Variants in UNC13B observed in about 807,000 individuals in gnomAD.
UNC13B encodes the protein protein unc-13 homolog B.
UNC13B carries 144 observed loss-of-function variants against 211.0 expected under a neutral mutation model. That is an observed-to-expected ratio of 0.68 (90% CI 0.60 to 0.78). UNC13B has a LOEUF of 0.78. UNC13B is among the 30% of genes least tolerant of loss of function. The pLI is 0.00. For synonymous variants in UNC13B, 709 were observed against 725.8 expected, an observed-to-expected ratio of 0.98 and a Z score of 0.37; for missense variants, 1,777 against 2,002.0, an observed-to-expected ratio of 0.89 and a Z score of 2.14.
intron 19 of UNC13B, 92 bp downstream of exon 19, chr9:35,381,307 G>A: frequency 1.7e-6 from 2 of 1,180,576 alleles, no homozygotes; most frequent in Non-Finnish European, 2.4e-6. Flanking sequence ...TGGAATCCGA[G>A]GCCCATTTTA....
intron 6 of UNC13B, among the ~76,000 whole-genome samples, chr9:35,250,505 A>G (rs1446308554): frequency 6.6e-6 from 1 of 152,164 alleles, no homozygotes; most frequent in Non-Finnish European, 1.5e-5. Context: ...ATTCCTTTTT[A>G]TTGCCAAATA....
intron 15 of UNC13B, among the ~76,000 whole-genome samples, chr9:35,377,021 T>C (rs1253683249): frequency 6.6e-6 from 1 of 152,192 alleles, no homozygotes; most frequent in African/African-American, 2.4e-5. Context: ...GCTGTAGCAC[T>C]GAAAGCTTTA....
At position 35,396,425 on chromosome 9, in the gene UNC13B, A is replaced by G. The variant is rs779211961; in HGVS notation, c.11309-51A>G. 4.3e-6 allele frequency: 7 copies of G among 1,610,574 alleles called. No individual in the cohort carries two copies. The African/African-American group carries it at 8.0e-5, about 18-fold the overall frequency. The stretch of plus-strand genomic sequence containing the variant: ...TCTGCTGCCTTGGGAAGGCTCAGGA[A>G]CCATGGCCTCTACTGCTGGGACCTG... On this transcript the variant is annotated intron_variant, in intron 26 of 39. Coordinates refer to ENST00000635942, the MANE Select transcript of UNC13B (RefSeq NM_001371189.2).
chr9:35,397,630 C>T lies in UNC13B; in HGVS notation c.11677-5C>T, dbSNP rs1160781861. ...TTCCTTTTCTTTCCTTTCTCCTCTT[C>T]TCAGACCATCGGGAAGGTGCTGATG... On this transcript the variant is annotated splice_polypyrimidine_tract_variant and splice_region_variant and intron_variant, in intron 29 of 39. Coordinates refer to ENST00000635942, the MANE Select transcript of UNC13B (RefSeq NM_001371189.2). The T allele has an allele frequency of 6.2e-7, 1 of 1,612,508 alleles. No individual in the cohort carries two copies. Among genetic ancestry groups the T allele is most frequent in the Non-Finnish European group, 8.5e-7 (1 of 1,179,324 alleles).
chr9:35,211,546 A>G (rs1823965814), intron 1 of UNC13B, among the ~76,000 whole-genome samples: 1 of 152,230 alleles, frequency 6.6e-6, no homozygotes, highest in South Asian at 2.1e-4. Flanking sequence ...CTATTGCCAA[A>G]TAGATTACAA....
chr9:35,272,243 T>G (rs1395188772), intron 7 of UNC13B, among the ~76,000 whole-genome samples: 1 of 150,732 alleles, frequency 6.6e-6, no homozygotes, highest in Non-Finnish European at 1.5e-5. Context: ...ATTTTGTTTT[T>G]TTTGTTTTTT....
rs564390278 is a variant in UNC13B, at chr9:35,389,513, A to G, written c.11095-333A>G. Among the ~76,000 whole-genome samples, 14 of 152,294 alleles carry G rather than the reference A, an allele frequency of 9.2e-5. No homozygotes were observed. The South Asian group carries it at 2.9e-3, about 32-fold the overall frequency. On this transcript the variant is annotated intron_variant, in intron 24 of 39. Coordinates refer to ENST00000635942, the MANE Select transcript of UNC13B (RefSeq NM_001371189.2). ...CGCATAGAAGTAGACCTATTTAGTA[A>G]GGCTGGAGGGGCTGTTTCCTTTAGC...
At chr9:35,233,335 C>T (rs1244992901) in intron 3 of UNC13B, among the ~76,000 whole-genome samples, 2 of 152,190 alleles carry the variant, frequency 1.3e-5, no homozygotes, top group African/African-American at 4.8e-5. Flanking sequence ...TTTCCAATTT[C>T]CCATAGCACT....
In UNC13B at chr9:35,401,937, C is replaced by T; in HGVS notation, c.12485-1230C>T. On this transcript the variant is annotated intron_variant, in intron 37 of 39. Transcript: ENST00000635942. ...GCTGCTGCTACTACCTCTGACTTGCCTGTCCTCATTCAGTGCATGATGGGA... is the reference window on the plus strand; with the variant it reads ...GCTGCTGCTACTACCTCTGACTTGCTTGTCCTCATTCAGTGCATGATGGGA... 3 of 1,550,402 alleles carry T rather than the reference C, an allele frequency of 1.9e-6. No homozygotes were observed. The South Asian group carries it at 3.6e-5, about 18-fold the overall frequency.
In UNC13B at chr9:35,302,866, G is replaced by C; in HGVS notation, c.3462G>C (p.Arg1154Ser). The change falls in exon 9 of 40, where the codon AGG becomes AGC. Residue 1154 changes from arginine to serine, a missense_variant. Coordinates refer to ENST00000635942, the MANE Select transcript of UNC13B (RefSeq NM_001371189.2). ...GCTTCCTTTCTGGCCTGTTTAATAG[G>C]TTTTCTTCTGCTGAAAATTTGTCTA... ...QGSFLSGLFN[R>S]FSSAENLSSQ... 2.5e-6 allele frequency: 1 copy of C among 398,534 alleles called. No individual in the cohort carries two copies. Among genetic ancestry groups the C allele is most frequent in the Non-Finnish European group, 4.4e-6 (1 of 225,734 alleles). The allele number at this position is 398,534 out of a possible 1,614,324, so 24.7% of individuals were successfully genotyped here.
intron 11 of UNC13B, among the ~76,000 whole-genome samples, chr9:35,355,882 G>A (rs1187998639): frequency 6.6e-6 from 1 of 152,170 alleles, no homozygotes; most frequent in Admixed American, 6.5e-5. Context: ...TTAAATATTG[G>A]TGGGAGCTGA....
chr9:35,378,555 T>C, intron 17 of UNC13B, 119 bp downstream of exon 17: 1 of 1,316,552 alleles, frequency 7.6e-7, no homozygotes, highest in South Asian at 1.3e-5. Flanking sequence ...AAAACTCATT[T>C]CTCGCATGCT....
intron 11 of UNC13B, among the ~76,000 whole-genome samples, chr9:35,315,136 C>T (rs1248414213): frequency 1.3e-5 from 2 of 150,152 alleles, no homozygotes; most frequent in African/African-American, 4.9e-5. Context: ...AAGTGATCCT[C>T]CCACTTTGGC....
intron 11 of UNC13B, among the ~76,000 whole-genome samples, chr9:35,319,228 C>T (rs1271014765): frequency 6.6e-6 from 1 of 151,644 alleles, no homozygotes; most frequent in South Asian, 2.1e-4. Flanking sequence ...ATGGTGAAAC[C>T]CTCATCCTTA....
chr9:35,270,786 A>C (rs1827831346), intron 7 of UNC13B, among the ~76,000 whole-genome samples: 1 of 152,076 alleles, frequency 6.6e-6, no homozygotes, highest in African/African-American at 2.4e-5. Flanking sequence ...ATGTGGTGTG[A>C]TTTGAGTGAA....
Position 35,403,673 on chromosome 9 carries a change from G to C in UNC13B, c.12737+74G>C, listed in dbSNP as rs1481063884. Reference sequence around the variant, plus strand: ...GAGGGGTGGGGGGAGAGGAGGGCCCGGGGGGATGGCAGACTGGGGTGAAAT... The same window carrying C: ...GAGGGGTGGGGGGAGAGGAGGGCCCCGGGGGATGGCAGACTGGGGTGAAAT... On this transcript the variant is annotated intron_variant, in intron 39 of 39. Transcript: ENST00000635942. 1.6e-5 allele frequency: 25 copies of C among 1,590,242 alleles called. No homozygotes were observed. In the East Asian group the frequency reaches 4.0e-4, roughly 26 times the overall value.
intron 1 of UNC13B, among the ~76,000 whole-genome samples, chr9:35,165,987 T>A (rs1821016783): frequency 6.6e-6 from 1 of 152,196 alleles, no homozygotes; most frequent in Admixed American, 6.5e-5. Flanking sequence ...ATCAGACCTT[T>A]CCATAATATT....
intron 17 of UNC13B, among the ~76,000 whole-genome samples, chr9:35,378,857 G>A (rs1024839326): frequency 1.3e-5 from 2 of 152,088 alleles, no homozygotes; most frequent in African/African-American, 4.8e-5. Flanking sequence ...TCCTAAAACT[G>A]GGTAATTCTG....
chr9:35,367,347 TTTCCA>T (rs2132162223), intron 12 of UNC13B, among the ~76,000 whole-genome samples: 1 of 152,334 alleles, frequency 6.6e-6, no homozygotes, highest in South Asian at 2.1e-4. Context: ...AAACATTTTC[TTTCCA>T]TTTCATTTGT....
Sources: gnomAD v4.1 joint callset for allele counts (sites outside exome capture counted in the v4.1 genomes callset) on GRCh38, gnomAD v4.1.1 for gene constraint, MANE v1.5 for transcripts, NCBI Gene and HGNC (gene_info 2026-07-23, HGNC 2026-07-21) for gene names.